Variants in TMEM120B observed in about 807,000 individuals in gnomAD.
TMEM120B encodes the protein transmembrane protein 120B.
Under a neutral mutation model 55.5 loss-of-function variants are expected in TMEM120B, and 31 were observed. That is an observed-to-expected ratio of 0.56 (90% CI 0.42 to 0.75). The LOEUF (loss-of-function observed/expected upper bound fraction) is 0.75, where lower values mean the gene tolerates loss of function less well. TMEM120B is among the 30% of genes least tolerant of loss of function. TMEM120B has a pLI of 0.00. For missense variants in TMEM120B, 399 were observed against 425.5 expected, an observed-to-expected ratio of 0.94 and a Z score of 0.55; for synonymous variants, 203 against 176.3, an observed-to-expected ratio of 1.15 and a Z score of -1.20.
At chr12:121,725,819 C>T (rs1427174652) in intron 1 of TMEM120B, among the ~76,000 whole-genome samples, 1 of 151,696 alleles carries the variant, frequency 6.6e-6, no homozygotes, top group Admixed American at 6.6e-5. Context: ...GGCAGATCAC[C>T]TGAGGTCAGG....
intron 1 of TMEM120B, among the ~76,000 whole-genome samples, chr12:121,722,368 A>G (rs989008998): frequency 6.6e-6 from 1 of 152,160 alleles, no homozygotes; most frequent in Non-Finnish European, 1.5e-5. Context: ...CAGTGCTGGG[A>G]TTAGAGGCGT....
At chr12:121,760,129 CAAAAAAAAA>C (rs1006164597) in intron 5 of TMEM120B, among the ~76,000 whole-genome samples, 3 of 47,434 alleles carry the variant, frequency 6.3e-5, no homozygotes, top group African/African-American at 1.5e-4. Flanking sequence ...AACTACGTCT[CAAAAAAAAA>C]AAAAAAAAAA....
chr12:121,751,717 C>T (rs1162198010), intron 4 of TMEM120B, among the ~76,000 whole-genome samples: 1 of 148,138 alleles, frequency 6.8e-6, no homozygotes, highest in Non-Finnish European at 1.5e-5. Context: ...TCCCATTTCG[C>T]ACAAGAAATG....
At chr12:121,772,892 A>C (rs1874110487) in intron 8 of TMEM120B, among the ~76,000 whole-genome samples, 1 of 152,222 alleles carries the variant, frequency 6.6e-6, no homozygotes, top group African/African-American at 2.4e-5. Flanking sequence ...AGGTATATAC[A>C]TGTGTGTATT....
intron 1 of TMEM120B, among the ~76,000 whole-genome samples, chr12:121,736,878 T>C (rs1445301196): frequency 6.6e-6 from 1 of 152,066 alleles, no homozygotes; most frequent in Non-Finnish European, 1.5e-5. Flanking sequence ...CTGGAACCTA[T>C]GCGGGACTGA....
rs752191941 is a variant in TMEM120B at position 121,774,636 on chromosome 12, T to C, written c.773-22T>C. ...GCAGCGGACCCCCTCAGCGGGTCCTTTTTCTTCCCTCCTCTCCACAGAAGG... is the reference window on the plus strand; with the variant it reads ...GCAGCGGACCCCCTCAGCGGGTCCTCTTTCTTCCCTCCTCTCCACAGAAGG... On this transcript the variant is annotated intron_variant, in intron 9 of 11. Transcript: ENST00000449592. The C allele has an allele frequency of 1.9e-5, 30 of 1,611,900 alleles. No individual in the cohort carries two copies. In the African/African-American group the frequency reaches 2.9e-4, roughly 16 times the overall value.
In TMEM120B at chr12:121,712,825, G is replaced by A; in HGVS notation, c.-71G>A. On this transcript the variant is annotated 5_prime_UTR_variant, in exon 1 of 12. Transcript: ENST00000449592. ...GGCGGTCGGCGAGCGCGCGGGCGTG[G>A]GGCGCTGGGGGGCCGGTCGGGCAGC... is the stretch of plus-strand genomic sequence containing the variant. The A allele has an allele frequency of 1.7e-6, 2 of 1,202,886 alleles. No homozygotes were observed. The highest frequency in any genetic ancestry group is 6.6e-5 in the East Asian group (2 of 30,134). 74.5% of individuals were successfully genotyped at this position (1,202,886 alleles called of 1,614,324 possible). A position where few individuals can be genotyped will look rare whatever the true frequency, so the allele number is the denominator to read the frequency against.
intron 5 of TMEM120B, among the ~76,000 whole-genome samples, chr12:121,760,576 C>T (rs544620406): frequency 7.2e-5 from 11 of 152,286 alleles, no homozygotes; most frequent in South Asian, 4.1e-4. Flanking sequence ...AAGTCATGTA[C>T]GAGTTAAACA....
chr12:121,762,435 C>A (rs1873710578), intron 6 of TMEM120B, among the ~76,000 whole-genome samples: 1 of 152,202 alleles, frequency 6.6e-6, no homozygotes, highest in Admixed American at 6.5e-5. Flanking sequence ...GCATTCCCAG[C>A]AAACGGAGCA....
rs1212418360 is a variant in TMEM120B, at chr12:121,781,601, G to T, written c.*5879G>T. On this transcript the variant is annotated 3_prime_UTR_variant, in exon 12 of 12. Coordinates refer to ENST00000449592, the MANE Select transcript of TMEM120B (RefSeq NM_001080825.2). Reference sequence around the variant, plus strand: ...TGGGGCTGGAGAAACTGCTAGAGATGATGCCGATAGCCAGTGTGATCCCCC... The same window carrying T: ...TGGGGCTGGAGAAACTGCTAGAGATTATGCCGATAGCCAGTGTGATCCCCC... 1 of 211,702 alleles carries T rather than the reference G, an allele frequency of 4.7e-6. No individual in the cohort carries two copies. Among genetic ancestry groups the T allele is most frequent in the African/African-American group, 2.3e-5 (1 of 43,464 alleles). The allele number at this position is 211,702 out of a possible 1,614,324, so 13.1% of individuals were successfully genotyped here. A position where few individuals can be genotyped will look rare whatever the true frequency, so the allele number is the denominator to read the frequency against.
intron 1 of TMEM120B, among the ~76,000 whole-genome samples, chr12:121,743,008 G>C (rs1304531558): frequency 6.6e-6 from 1 of 152,150 alleles, no homozygotes; most frequent in African/African-American, 2.4e-5. Flanking sequence ...GGTATGTGAT[G>C]GTGGCAAAGT....
chr12:121,716,352 C>T, intron 1 of TMEM120B, among the ~76,000 whole-genome samples: 1 of 150,484 alleles, frequency 6.6e-6, no homozygotes, highest in Non-Finnish European at 1.5e-5. Flanking sequence ...AAGCAGGTAA[C>T]AGCAGGTAGG....
intron 5 of TMEM120B, among the ~76,000 whole-genome samples, chr12:121,754,482 G>A (rs572814860): frequency 1.2e-4 from 18 of 152,322 alleles, no homozygotes; most frequent in Admixed American, 2.6e-4. Context: ...TCTGGAAGCC[G>A]GCGGTCTGAA....
intron 4 of TMEM120B, among the ~76,000 whole-genome samples, chr12:121,751,014 CACACCCA>C (rs1873297048): frequency 8.4e-6 from 1 of 118,660 alleles, no homozygotes; most frequent in African/African-American, 3.2e-5. Flanking sequence ...ATTCACACCC[CACACCCA>C]ACACCCACAC....
chr12:121,762,202 G>A (rs2137294906), intron 6 of TMEM120B, among the ~76,000 whole-genome samples: 1 of 151,950 alleles, frequency 6.6e-6, no homozygotes, highest in Non-Finnish European at 1.5e-5. Flanking sequence ...GAACCCAGGA[G>A]GCAGAGGTTG....
intron 5 of TMEM120B, chr12:121,759,019 T>C: frequency 1.0e-6 from 1 of 985,370 alleles, no homozygotes; most frequent in African/African-American, 1.7e-5. Context: ...CCCACTGGGA[T>C]TTTTTTATAT....
At chr12:121,734,250 A>G (rs544454552) in intron 1 of TMEM120B, among the ~76,000 whole-genome samples, 1 of 151,610 alleles carries the variant, frequency 6.6e-6, no homozygotes, top group Non-Finnish European at 1.5e-5. Context: ...AATCTTCTGG[A>G]GGTTTCTTTC....
Position 121,780,912 on chromosome 12 carries a change from T to C in TMEM120B, c.*5190T>C. 1.9e-6 allele frequency: 3 copies of C among 1,613,892 alleles called. No individual in the cohort carries two copies. Among genetic ancestry groups the C allele is most frequent in the Non-Finnish European group, 2.5e-6 (3 of 1,179,930 alleles). On this transcript the variant is annotated 3_prime_UTR_variant, in exon 12 of 12. Coordinates refer to ENST00000449592, the MANE Select transcript of TMEM120B (RefSeq NM_001080825.2). ...GGGCTCCAGCTGGGCGGCCCGGAGCTTCCGCAGCTGCTCCTTGTCCTTCCT... is the reference window on the plus strand; with the variant it reads ...GGGCTCCAGCTGGGCGGCCCGGAGCCTCCGCAGCTGCTCCTTGTCCTTCCT...
intron 1 of TMEM120B, among the ~76,000 whole-genome samples, chr12:121,727,122 G>A (rs191022982): frequency 1.5e-3 from 233 of 152,120 alleles, no homozygotes; most frequent in Non-Finnish European, 2.4e-3. Flanking sequence ...TAGTTTCTCC[G>A]TTTGGTAGAA....
Sources: allele counts gnomAD v4.1 joint callset (sites outside exome capture counted in the v4.1 genomes callset), GRCh38; gene constraint gnomAD v4.1.1; transcripts MANE v1.5; gene names NCBI Gene and HGNC (gene_info 2026-07-23, HGNC 2026-07-21).